The following EPHA7 variants were observed in gnomAD, a reference collection of about 807,000 sequenced individuals.
EPHA7 encodes ephrin type-A receptor 7.
In EPHA7, 25 loss-of-function variants were observed where a neutral mutation model predicts 112.6. That is an observed-to-expected ratio of 0.22 (90% confidence interval 0.16 to 0.31). The LOEUF is 0.31. Ranked by LOEUF, EPHA7 falls within the 10% of genes least tolerant of loss-of-function variation. The pLI is 1.00. For synonymous variants in EPHA7, 437 were observed against 406.5 expected, an observed-to-expected ratio of 1.07 and a Z score of -0.90; for missense variants, 962 against 1,212.6, an observed-to-expected ratio of 0.79 and a Z score of 3.07.
chr6:93,398,836 T>G (rs1472729537), intron 3 of EPHA7, among the ~76,000 whole-genome samples: 1 of 152,102 alleles, frequency 6.6e-6, no homozygotes, highest in Non-Finnish European at 1.5e-5. Flanking sequence ...ATATAATGTT[T>G]GTGCAGAATA....
At position 93,243,492 on chromosome 6, in the gene EPHA7, G is replaced by C. The variant is rs776759004; in HGVS notation, c.2931C>G (p.Ile977Met). Residue 977 changes from isoleucine (I) to methionine (M), a missense_variant, in exon 17 of 17, where the codon ATC becomes ATG. By Grantham distance (10) the Ile-to-Met change is conservative. Transcript: ENST00000369303. ...CTCTCATAGTCTGAATGCTGCTCAT[G>C]ATTTTCTTTTGATGACCAACCAGTG... Reference protein sequence around the residue: ...GITLVGHQKKIMSSIQTMRAQ... With the variant: ...GITLVGHQKKMMSSIQTMRAQ... 6 of 1,613,584 alleles carry C rather than the reference G, an allele frequency of 3.7e-6. No homozygotes were observed. In the South Asian group the frequency reaches 6.6e-5, roughly 18 times the overall value.
chr6:93,345,803 C>T (rs1256144658), intron 5 of EPHA7, among the ~76,000 whole-genome samples: 1 of 151,480 alleles, frequency 6.6e-6, no homozygotes, highest in Non-Finnish European at 1.5e-5. Context: ...TGGATCAATG[C>T]CTTTTCCTTG....
intron 3 of EPHA7, among the ~76,000 whole-genome samples, chr6:93,362,582 C>A (rs921867380): frequency 1.3e-5 from 2 of 152,052 alleles, no homozygotes; most frequent in African/African-American, 4.8e-5. Flanking sequence ...CCATTAAATT[C>A]TCCTAACAAT....
intron 5 of EPHA7, among the ~76,000 whole-genome samples, chr6:93,280,021 T>A (rs1771654490): frequency 6.6e-6 from 1 of 152,168 alleles, no homozygotes; most frequent in Non-Finnish European, 1.5e-5. Flanking sequence ...ACCTTCAACA[T>A]ATAATTTCTC....
chr6:93,383,198 T>C (rs1459350993), intron 3 of EPHA7, among the ~76,000 whole-genome samples: 1 of 151,836 alleles, frequency 6.6e-6, no homozygotes, highest in African/African-American at 2.4e-5. Context: ...TGTGTGTGTA[T>C]ATATATACAT....
chr6:93,342,178 A>G (rs564450650), intron 5 of EPHA7, among the ~76,000 whole-genome samples: 1 of 151,950 alleles, frequency 6.6e-6, no homozygotes, highest in Non-Finnish European at 1.5e-5. Context: ...GATAAATCAA[A>G]AGGCATTTTT....
intron 3 of EPHA7, among the ~76,000 whole-genome samples, chr6:93,404,990 T>C (rs1031249838): frequency 6.6e-6 from 1 of 151,998 alleles, no homozygotes; most frequent in Non-Finnish European, 1.5e-5. Context: ...ATTTTGGAGA[T>C]ACAATTCAAG....
rs536786164 is a variant in EPHA7, at chr6:93,240,090, GAAGA to G, written c.*3332_*3335del. 4 of 223,432 alleles carry G rather than the reference GAAGA, an allele frequency of 1.8e-5. No individual in the cohort carries two copies. Among genetic ancestry groups the G allele is most frequent in the Non-Finnish European group, 2.7e-5 (3 of 111,964 alleles). The allele number at this position is 223,432 out of a possible 1,614,324, so 13.8% of individuals were successfully genotyped here. Reference sequence around the variant, plus strand: ...TAAAAAGAGACTTATGATTCATGTTGAAGAAAGAGTTATTTGTGCTTGATACATT... The same window carrying G: ...TAAAAAGAGACTTATGATTCATGTTGAAGAGTTATTTGTGCTTGATACATT... On this transcript the variant is annotated 3_prime_UTR_variant, in exon 17 of 17. Transcript: ENST00000369303.
chr6:93,269,706 G>A (rs767085921), intron 6 of EPHA7, 46 bp from the exon 7 acceptor site: 12 of 1,376,502 alleles, frequency 8.7e-6, no homozygotes, highest in Middle Eastern at 1.9e-4. Context: ...ATTGCAACCA[G>A]ACAATTTGAC....
intron 5 of EPHA7, among the ~76,000 whole-genome samples, chr6:93,350,446 T>C (rs1228487155): frequency 6.6e-6 from 1 of 152,050 alleles, no homozygotes; most frequent in Non-Finnish European, 1.5e-5. Context: ...GTGACCTTTG[T>C]AAAGTCATTC....
intron 5 of EPHA7, among the ~76,000 whole-genome samples, chr6:93,306,388 A>C (rs1773260241): frequency 6.6e-6 from 1 of 152,064 alleles, no homozygotes; most frequent in African/African-American, 2.4e-5. Context: ...AAAAAGTTTT[A>C]GGAATATATT....
At chr6:93,253,510 G>T (rs1346078606) in intron 14 of EPHA7, among the ~76,000 whole-genome samples, 2 of 152,000 alleles carry the variant, frequency 1.3e-5, no homozygotes, top group African/African-American at 4.8e-5. Flanking sequence ...ACCCAATGTA[G>T]ATTTTCCTTA....
Position 93,405,803 on chromosome 6 carries a change from G to GTATATA in EPHA7, c.832+4697_832+4698insTATATA, listed in dbSNP as rs1394311184. ...TATATATGTGTGTGTGTGTGTGTGT[G>GTATATA]TGTGTGTGTGTATATATATATATAT... On this transcript the variant is annotated intron_variant, in intron 3 of 16. Coordinates refer to ENST00000369303, the MANE Select transcript of EPHA7 (RefSeq NM_004440.4). Among the ~76,000 whole-genome samples the GTATATA allele has an allele frequency of 1.3e-4, 8 of 62,442 alleles. No individual in the cohort carries two copies. The South Asian group carries it at 1.8e-3, about 14-fold the overall frequency. 41.0% of individuals were successfully genotyped at this position (62,442 alleles called of 152,430 possible). A position where few individuals can be genotyped will look rare whatever the true frequency, so the allele number is the denominator to read the frequency against.
chr6:93,335,041 C>T (rs964380676), intron 5 of EPHA7, among the ~76,000 whole-genome samples: 1 of 152,064 alleles, frequency 6.6e-6, no homozygotes, highest in Admixed American at 6.6e-5. Context: ...TGTTGTCTCA[C>T]CCAGCAACTG....
At chr6:93,325,198 C>A (rs1346671739) in intron 5 of EPHA7, among the ~76,000 whole-genome samples, 1 of 151,234 alleles carries the variant, frequency 6.6e-6, no homozygotes, top group African/African-American at 2.4e-5. Context: ...TCAATTTTAA[C>A]CCTAAATTCA....
At chr6:93,278,326 TTTTTA>T (rs1172064697) in intron 5 of EPHA7, among the ~76,000 whole-genome samples, 1 of 151,994 alleles carries the variant, frequency 6.6e-6, no homozygotes, top group African/African-American at 2.4e-5. Context: ...ACCTCATAAA[TTTTTA>T]TTTTAATAGA....
rs550220011 is a variant in EPHA7, at chr6:93,259,578, A to T, written c.1799-99T>A. On this transcript the variant is annotated intron_variant, in intron 9 of 16. Transcript: ENST00000369303. Reference sequence around the variant, plus strand: ...ATGCAGAGTGCTCCTTGGAACAGTGAACTTGCTTCCACATCACCTGATTCA... The same window carrying T: ...ATGCAGAGTGCTCCTTGGAACAGTGTACTTGCTTCCACATCACCTGATTCA... The T allele has an allele frequency of 8.5e-5, 122 of 1,434,976 alleles. 1 individual carries two copies. The highest frequency in any genetic ancestry group is 1.1e-4 in the Non-Finnish European group (114 of 1,041,096). 88.9% of individuals were successfully genotyped at this position (1,434,976 alleles called of 1,614,324 possible).
At chr6:93,401,405 T>A (rs917262706) in intron 3 of EPHA7, among the ~76,000 whole-genome samples, 1 of 152,128 alleles carries the variant, frequency 6.6e-6, no homozygotes, top group Non-Finnish European at 1.5e-5. Flanking sequence ...AAAAATAATG[T>A]ACATTTGTTT....
chr6:93,277,727 A>T (rs1771536815), intron 5 of EPHA7, among the ~76,000 whole-genome samples: 4 of 152,020 alleles, frequency 2.6e-5, no homozygotes, highest in Admixed American at 2.0e-4. Flanking sequence ...ACCAATTAGG[A>T]TAATGATTTT....
Sources: allele counts gnomAD v4.1 joint callset (sites outside exome capture counted in the v4.1 genomes callset), GRCh38; gene constraint gnomAD v4.1.1; transcripts MANE v1.5; gene names NCBI Gene and HGNC (gene_info 2026-07-23, HGNC 2026-07-21).